Variants in EFCAB10 observed in about 807,000 individuals in gnomAD.
EFCAB10 encodes the protein EF-hand calcium binding domain 10, also known as EF-hand calcium-binding domain-containing protein 10.
In EFCAB10, 7 loss-of-function variants were observed where a neutral mutation model predicts 7.7. That is an observed-to-expected ratio of 0.91 (90% CI 0.52 to 1.72). The LOEUF is 1.72. Among genes scored for constraint, EFCAB10 ranks in the 40% most tolerant of loss-of-function variants. EFCAB10 has a pLI of 0.00. For missense variants in EFCAB10, 112 were observed against 61.5 expected (o/e 1.82, Z -2.74); for synonymous variants, 52 against 21.0 (o/e 2.47, Z -4.03).
At chr7:105,570,268 TACACAC>T (rs1554369774) in intron 1 of EFCAB10, among the ~76,000 whole-genome samples, 1 of 66,432 alleles carries the variant, frequency 1.5e-5, no homozygotes, top group East Asian at 3.7e-4. Context: ...TATATATATA[TACACAC>T]ACACACACAT....
intron 4 of EFCAB10, 156 bp downstream of exon 4, chr7:105,567,311 A>T (rs1337185818): frequency 1.3e-6 from 2 of 1,577,576 alleles, no homozygotes; most frequent in African/African-American, 2.7e-5. Context: ...CTGGAAAATA[A>T]TGTCTTTCAG....
intron 1 of EFCAB10, among the ~76,000 whole-genome samples, chr7:105,580,474 TTTTTTA>T (rs748539955): frequency 3.3e-5 from 5 of 152,222 alleles, no homozygotes; most frequent in African/African-American, 7.2e-5. Flanking sequence ...TCCTGGCCTA[TTTTTTA>T]TTTTTATTTT....
At chr7:105,578,674 G>A (rs1369859267) in intron 1 of EFCAB10, among the ~76,000 whole-genome samples, 2 of 152,144 alleles carry the variant, frequency 1.3e-5, no homozygotes, top group African/African-American at 4.8e-5. Flanking sequence ...GATGACATAT[G>A]ACATCAGAAT....
intron 1 of EFCAB10, chr7:105,571,407 T>G (rs1452078965): frequency 6.6e-6 from 1 of 152,176 alleles, no homozygotes; most frequent in Non-Finnish European, 1.5e-5. Flanking sequence ...GAAGCAATTC[T>G]TCAAAGAACT....
rs188424597 is a variant in EFCAB10 at position 105,567,349 on chromosome 7, A to G, written c.383+118T>C. 2.3e-5 allele frequency: 32 copies of G among 1,378,568 alleles called. No individual in the cohort carries two copies. In the East Asian group the frequency reaches 7.1e-4, roughly 31 times the overall value. The allele number at this position is 1,378,568 out of a possible 1,614,324, so 85.4% of individuals were successfully genotyped here. A position where few individuals can be genotyped will look rare whatever the true frequency, so the allele number is the denominator to read the frequency against. ...AAAGGTTTCTTTGGTTTTTGTTTCT[A>G]AGAAAGAGGAAGCCAATTGGATTTC... On this transcript the variant is annotated intron_variant, in intron 4 of 4. Coordinates refer to ENST00000480514, the MANE Select transcript of EFCAB10 (RefSeq NM_001355526.2).
intron 3 of EFCAB10, among the ~76,000 whole-genome samples, chr7:105,568,359 A>C (rs187412809): frequency 6.6e-6 from 1 of 152,168 alleles, no homozygotes; most frequent in Non-Finnish European, 1.5e-5. Flanking sequence ...ACTTTCCACA[A>C]CTATTAAATT....
chr7:105,576,254 A>G (rs921355860), intron 1 of EFCAB10, among the ~76,000 whole-genome samples: 2 of 152,152 alleles, frequency 1.3e-5, no homozygotes, highest in Admixed American at 1.3e-4. Context: ...CTGAATGGAC[A>G]AGTCCTTTCT....
chr7:105,571,204 A>C (rs888081323), intron 1 of EFCAB10: 1 of 152,156 alleles, frequency 6.6e-6, no homozygotes, highest in African/African-American at 2.4e-5. Flanking sequence ...TTGTGCCCTA[A>C]TTGAAGAGGA....
intron 4 of EFCAB10, 65 bp downstream of exon 4, chr7:105,567,402 T>C: frequency 2.2e-6 from 2 of 895,718 alleles, no homozygotes; most frequent in Admixed American, 2.3e-5. Context: ...TCTGAATTAA[T>C]GAAACTGGAA....
At chr7:105,572,647 C>T (rs962306540) in intron 1 of EFCAB10, 4 of 152,204 alleles carry the variant, frequency 2.6e-5, no homozygotes, top group African/African-American at 9.6e-5. Context: ...CGGTAGTGTA[C>T]AAGGGTTCCC....
intron 1 of EFCAB10, among the ~76,000 whole-genome samples, chr7:105,574,124 GTATATATATA>G (rs4006347): frequency 5.4e-5 from 8 of 148,154 alleles, no homozygotes; most frequent in East Asian, 2.0e-4. Flanking sequence ...CAATGTGTGT[GTATATATATA>G]TATATATATA....
At chr7:105,565,555 A>G in intron 4 of EFCAB10, 108 bp from the exon 5 acceptor site, 2 of 1,613,924 alleles carry the variant, frequency 1.2e-6, no homozygotes, top group African/African-American at 1.3e-5. Context: ...CACTTCAATG[A>G]AGGAGGAGCA....
Position 105,565,565 on chromosome 7 carries a change from A to C in EFCAB10, c.*-118T>G. The C allele has an allele frequency of 1.2e-6, 2 of 1,614,072 alleles. No homozygotes were observed. Among genetic ancestry groups the C allele is most frequent in the Non-Finnish European group, 1.7e-6 (2 of 1,179,932 alleles). On this transcript the variant is annotated intron_variant, in intron 4 of 4. Coordinates refer to ENST00000480514, the MANE Select transcript of EFCAB10 (RefSeq NM_001355526.2). Reference sequence around the variant, plus strand: ...CTAATCACTTCAATGAAGGAGGAGCAGCCCAGCTGCAGTTTGATATGACTC... The same window carrying C: ...CTAATCACTTCAATGAAGGAGGAGCCGCCCAGCTGCAGTTTGATATGACTC...
chr7:105,569,991 G>T (rs1791895033), intron 1 of EFCAB10, among the ~76,000 whole-genome samples: 2 of 151,372 alleles, frequency 1.3e-5, no homozygotes, highest in Admixed American at 1.3e-4. Flanking sequence ...GGGAGGCCGA[G>T]GAGGGCAGAT....
rs1586280191 is a variant in EFCAB10, at chr7:105,567,777, A to G, written c.360-287T>C. The G allele has an allele frequency of 9.6e-6, 3 of 312,332 alleles. No homozygotes were observed. In the East Asian group the frequency reaches 1.8e-4, roughly 19 times the overall value. 19.3% of individuals were successfully genotyped at this position (312,332 alleles called of 1,614,324 possible). The stretch of plus-strand genomic sequence containing the variant: ...CAGGGCACAGTGTCTCATGCCTGTA[A>G]TCCCAGCACTTTGGGAGGCTGAGGT... On this transcript the variant is annotated intron_variant, in intron 3 of 4. Coordinates refer to ENST00000480514, the MANE Select transcript of EFCAB10 (RefSeq NM_001355526.2).
intron 1 of EFCAB10, among the ~76,000 whole-genome samples, chr7:105,570,225 AAAAAAAAAAAAAAAAATAT>A (rs1300517251): frequency 1.5e-5 from 1 of 67,510 alleles, no homozygotes; most frequent in African/African-American, 6.7e-5. Flanking sequence ...AAAAAAAAAA[AAAAAAAAAAAAAAAAATAT>A]ATATATATAT....
chr7:105,568,898 C>T (rs912448204), intron 3 of EFCAB10, among the ~76,000 whole-genome samples: 4 of 149,896 alleles, frequency 2.7e-5, no homozygotes, highest in Non-Finnish European at 4.4e-5. Flanking sequence ...TGCAGTGAGC[C>T]GACATATTGC....
intron 3 of EFCAB10, 113 bp from the exon 4 acceptor site, chr7:105,567,603 T>C: frequency 1.8e-6 from 1 of 570,478 alleles, no homozygotes; most frequent in South Asian, 2.4e-5. Context: ...TAACCAACTT[T>C]CAATTTCCTG....
chr7:105,569,053 G>A, intron 3 of EFCAB10, 150 bp downstream of exon 3: 1 of 596,608 alleles, frequency 1.7e-6, no homozygotes, highest in Admixed American at 3.1e-5. Flanking sequence ...TTTACCGTCA[G>A]CCTTACCTGT....
Sources: gnomAD v4.1 joint callset for allele counts (sites outside exome capture counted in the v4.1 genomes callset) on GRCh38, gnomAD v4.1.1 for gene constraint, MANE v1.5 for transcripts, NCBI Gene and HGNC (gene_info 2026-07-23, HGNC 2026-07-21) for gene names.